ZNF385D: variants seen among roughly 807,000 people sequenced by gnomAD.
The protein encoded by ZNF385D is zinc finger protein 659.
In ZNF385D, 15 loss-of-function variants were observed where a neutral mutation model predicts 35.8. The observed-to-expected ratio is 0.42, with a 90% CI of 0.28 to 0.64. ZNF385D has a LOEUF of 0.64. Among genes scored for constraint, ZNF385D ranks in the 30% least tolerant of loss-of-function variants. ZNF385D has a pLI of 0.23. For missense variants in ZNF385D, 474 were observed against 494.6 expected (o/e 0.96, Z 0.39); for synonymous variants, 212 against 186.8 (o/e 1.13, Z -1.10).
rs571919044 is a variant in ZNF385D, at chr3:21,706,523, T to G, written c.23-41495A>C. On this transcript the variant is annotated intron_variant, in intron 1 of 7. Coordinates refer to ENST00000281523, the MANE Select transcript of ZNF385D (RefSeq NM_024697.3). ...AATTGTAAGAGCTTTTCCTAAGTTG[T>G]AGCTGGCCCCTTAACTAGAGGCAGA... Among the ~76,000 whole-genome samples, 21 of 152,318 alleles carry G rather than the reference T, an allele frequency of 1.4e-4. No individual in the cohort carries two copies. In the South Asian group the frequency reaches 4.4e-3, roughly 32 times the overall value.
intron 3 of ZNF385D, among the ~76,000 whole-genome samples, chr3:21,922,992 C>T (rs1367231354): frequency 6.6e-6 from 1 of 152,094 alleles, no homozygotes; most frequent in African/African-American, 2.4e-5. Flanking sequence ...ATACACTTCT[C>T]AAAAGAGGAC....
chr3:21,750,881 G>A lies in ZNF385D; in HGVS notation c.22+14C>T. The A allele has an allele frequency of 6.2e-7, 1 of 1,614,108 alleles. No homozygotes were observed. The highest frequency in any genetic ancestry group is 8.5e-7 in the Non-Finnish European group (1 of 1,179,996). ...GGACACCCCCAGAATTACATCATCAGAGTGAACACTCACCAAAATACATTA... is the reference window on the plus strand; with the variant it reads ...GGACACCCCCAGAATTACATCATCAAAGTGAACACTCACCAAAATACATTA... On this transcript the variant is annotated intron_variant, in intron 1 of 7. Transcript: ENST00000281523.
At chr3:21,803,730 C>T (rs1359578946) in intron 3 of ZNF385D, among the ~76,000 whole-genome samples, 1 of 152,128 alleles carries the variant, frequency 6.6e-6, no homozygotes, top group East Asian at 1.9e-4. Flanking sequence ...ATTGTTTAGG[C>T]TTCCTTAAAT....
Position 21,996,738 on chromosome 3 carries a change from T to C in ZNF385D, c.325+172079A>G, listed in dbSNP as rs970329655. On this transcript the variant is annotated intron_variant, in intron 3 of 5. Transcript: ENST00000494108. The stretch of plus-strand genomic sequence containing the variant: ...AAAGTGTAATTTTCTTTGCCAAGAA[T>C]AGGAACCCCCCTAAAACTTTTAAAT... 2.6e-5 allele frequency among the ~76,000 whole-genome samples: 4 copies of C among 152,184 alleles called. No individual in the cohort carries two copies. The East Asian group carries it at 5.8e-4, about 22-fold the overall frequency.
chr3:21,817,586 A>G (rs2073208862), intron 3 of ZNF385D, among the ~76,000 whole-genome samples: 1 of 152,168 alleles, frequency 6.6e-6, no homozygotes, highest in African/African-American at 2.4e-5. Context: ...GCTCATCATC[A>G]CTGGCCATCA....
chr3:22,264,915 G>A (rs538756593), intron 2 of ZNF385D, among the ~76,000 whole-genome samples: 1 of 152,042 alleles, frequency 6.6e-6, no homozygotes, highest in Non-Finnish European at 1.5e-5. Context: ...TTCAAAAGAA[G>A]CAGCCCTCTA....
chr3:22,013,722 G>A (rs1259928669), intron 3 of ZNF385D, among the ~76,000 whole-genome samples: 1 of 152,112 alleles, frequency 6.6e-6, no homozygotes, highest in Non-Finnish European at 1.5e-5. Context: ...CTAAGAGACT[G>A]ACAAAGCAGG....
At chr3:21,473,208 T>G (rs992818551) in intron 4 of ZNF385D, among the ~76,000 whole-genome samples, 3 of 152,066 alleles carry the variant, frequency 2.0e-5, no homozygotes, top group Non-Finnish European at 4.4e-5. Flanking sequence ...AACTCTAGTA[T>G]GATTTGGCTC....
chr3:22,085,764 C>A lies in ZNF385D; in HGVS notation c.325+83053G>T, dbSNP rs1303932543. ...GAGACACAATAAAAAAAGAAACTTT[C>A]AGGCCAATATTCCTGATGAACATCA... is the stretch of plus-strand genomic sequence containing the variant. On this transcript the variant is annotated intron_variant, in intron 3 of 5. Coordinates refer to the ZNF385D transcript ENST00000494108. Among the ~76,000 whole-genome samples, 37 of 152,192 alleles carry A rather than the reference C, an allele frequency of 2.4e-4. 1 individual carries two copies. Among genetic ancestry groups the A allele is most frequent in the Admixed American group, 1.9e-3 (29 of 15,272 alleles).
At chr3:22,074,028 A>G (rs897239587) in intron 3 of ZNF385D, among the ~76,000 whole-genome samples, 2 of 151,890 alleles carry the variant, frequency 1.3e-5, no homozygotes. Flanking sequence ...ATGTCCAGGG[A>G]TCTTAAAATT....
At chr3:21,735,353 G>A (rs1371214033) in intron 1 of ZNF385D, among the ~76,000 whole-genome samples, 1 of 152,156 alleles carries the variant, frequency 6.6e-6, no homozygotes, top group Non-Finnish European at 1.5e-5. Context: ...CAACAGATCT[G>A]AATTCTAGGC....
chr3:21,718,894 G>A (rs2068429429), intron 1 of ZNF385D, among the ~76,000 whole-genome samples: 1 of 152,032 alleles, frequency 6.6e-6, no homozygotes, highest in Non-Finnish European at 1.5e-5. Flanking sequence ...ACTTAAAACT[G>A]TATTTTCATC....
intron 1 of ZNF385D, among the ~76,000 whole-genome samples, chr3:21,711,484 A>AT (rs1398878896): frequency 6.6e-6 from 1 of 152,074 alleles, no homozygotes; most frequent in East Asian, 1.9e-4. Flanking sequence ...GCTTCAACAC[A>AT]TTTTTTAAAA....
chr3:22,300,470 C>T (rs1406917616), intron 2 of ZNF385D, among the ~76,000 whole-genome samples: 1 of 151,012 alleles, frequency 6.6e-6, no homozygotes, highest in Non-Finnish European at 1.5e-5. Context: ...ATCTTCTGTA[C>T]AGCAAAGAGA....
chr3:21,940,542 G>C (rs628226), intron 3 of ZNF385D, among the ~76,000 whole-genome samples: 40,001 of 152,104 alleles, frequency 0.26, 5,973 homozygotes, highest in Admixed American at 0.41. Flanking sequence ...CAGAAACTCT[G>C]CTTCTTGCTG....
At chr3:21,794,283 G>A (rs1220550554) in intron 3 of ZNF385D, among the ~76,000 whole-genome samples, 1 of 152,008 alleles carries the variant, frequency 6.6e-6, no homozygotes, top group Admixed American at 6.6e-5. Flanking sequence ...CTTAAATAGA[G>A]AGCTTAGACC....
chr3:21,425,382 A>G, intron 6 of ZNF385D, 110 bp downstream of exon 6: 1 of 1,143,438 alleles, frequency 8.7e-7, no homozygotes, highest in Non-Finnish European at 1.2e-6. Context: ...ATGGATGAAT[A>G]GATGGGTGAA....
chr3:22,242,531 C>A (rs1699554853), intron 2 of ZNF385D, among the ~76,000 whole-genome samples: 1 of 150,544 alleles, frequency 6.6e-6, no homozygotes, highest in Admixed American at 6.6e-5. Flanking sequence ...GAAAAAAAAA[C>A]TCAAAACAAC....
At position 21,449,867 on chromosome 3, in the gene ZNF385D, A is replaced by C. The variant is rs535383612; in HGVS notation, c.440-12664T>G. ...GTCCAGGACTGAATGTGTTGAGTCAAATGTCTGAGTGGACAGAGAGTGTGT... is the reference window on the plus strand; with the variant it reads ...GTCCAGGACTGAATGTGTTGAGTCACATGTCTGAGTGGACAGAGAGTGTGT... On this transcript the variant is annotated intron_variant, in intron 4 of 7. Coordinates refer to ENST00000281523, the MANE Select transcript of ZNF385D (RefSeq NM_024697.3). 4.6e-5 allele frequency among the ~76,000 whole-genome samples: 7 copies of C among 152,272 alleles called. No homozygotes were observed. In the East Asian group the frequency reaches 9.7e-4, roughly 21 times the overall value.
Sources: gnomAD v4.1 joint callset for allele counts (sites outside exome capture counted in the v4.1 genomes callset) on GRCh38, gnomAD v4.1.1 for gene constraint, MANE v1.5 for transcripts, NCBI Gene and HGNC (gene_info 2026-07-23, HGNC 2026-07-21) for gene names.